ASCC3: variants seen among roughly 807,000 people sequenced by gnomAD.
The protein encoded by ASCC3 is activating signal cointegrator 1 complex subunit 3.
In ASCC3, 158 loss-of-function variants were observed where a neutral mutation model predicts 256.3. That is an observed-to-expected ratio of 0.62 (90% CI 0.54 to 0.70). ASCC3 has a LOEUF of 0.70. Among genes scored for constraint, ASCC3 ranks in the 30% least tolerant of loss-of-function variants. The probability of loss-of-function intolerance (pLI) is 0.00; values close to 1 mark genes in which losing one functional copy is unlikely to be tolerated. For synonymous variants in ASCC3, 948 were observed against 883.4 expected, an observed-to-expected ratio of 1.07 and a Z score of -1.30; for missense variants, 2,259 against 2,626.0, an observed-to-expected ratio of 0.86 and a Z score of 3.05.
intron 4 of ASCC3, among the ~76,000 whole-genome samples, chr6:100,840,482 G>A (rs983523000): frequency 5.3e-5 from 7 of 131,156 alleles, no homozygotes; most frequent in Admixed American, 7.9e-5. Context: ...CACATGCCAC[G>A]CCAGGCTTTT....
intron 4 of ASCC3, among the ~76,000 whole-genome samples, chr6:100,834,015 G>A (rs181337689): frequency 2.0e-5 from 3 of 152,280 alleles, no homozygotes; most frequent in East Asian, 1.9e-4. Context: ...GCAGTGAGCC[G>A]AGACAGCACC....
chr6:100,871,266 T>C (rs1302332259), intron 1 of ASCC3, among the ~76,000 whole-genome samples: 1 of 152,030 alleles, frequency 6.6e-6, no homozygotes, highest in Non-Finnish European at 1.5e-5. Context: ...CGGCTAATTT[T>C]GGTATTTTTA....
At chr6:100,799,660 G>A in intron 6 of ASCC3, 88 bp from the exon 7 acceptor site, 1 of 1,354,952 alleles carries the variant, frequency 7.4e-7, no homozygotes, top group Non-Finnish European at 1.0e-6. Context: ...AAAGATATTG[G>A]GAGCTAGCCT....
At position 100,661,696 on chromosome 6, in the gene ASCC3, T is replaced by C. The variant is rs920585984; in HGVS notation, c.2703+110A>G. On this transcript the variant is annotated intron_variant, in intron 16 of 41. Coordinates refer to ENST00000369162, the MANE Select transcript of ASCC3 (RefSeq NM_006828.4). ...GTTTTGTCTTATAACTTATATGGCA[T>C]AGGCTGTAATCCTAAACACTACAAA... is the stretch of plus-strand genomic sequence containing the variant. 9 of 1,052,604 alleles carry C rather than the reference T, an allele frequency of 8.6e-6. No individual in the cohort carries two copies. The African/African-American group carries it at 9.4e-5, about 11-fold the overall frequency. The allele number at this position is 1,052,604 out of a possible 1,614,324, so 65.2% of individuals were successfully genotyped here.
At position 100,608,289 on chromosome 6, in the gene ASCC3, TTATATATACCTTATATATGTATACCTTA is replaced by T. The variant is rs1482432412; in HGVS notation, c.4786-1229_4786-1202del. 2.4e-3 allele frequency among the ~76,000 whole-genome samples: 54 copies of T among 22,398 alleles called. 5 individuals are homozygous for T. The highest frequency in any genetic ancestry group is 9.2e-3 in the African/African-American group (45 of 4,880). 14.7% of individuals were successfully genotyped at this position (22,398 alleles called of 152,430 possible). On this transcript the variant is annotated intron_variant, in intron 30 of 41. Transcript: ENST00000369162. ...TTTATATATATACTTTATATATACT[TTATATATACCTTATATATGTATACCTTA>T]TATATATACCTTATATATGTATACC...
intron 36 of ASCC3, among the ~76,000 whole-genome samples, chr6:100,582,427 C>T (rs1771344588): frequency 6.6e-6 from 1 of 151,538 alleles, no homozygotes; most frequent in Non-Finnish European, 1.5e-5. Context: ...GATTTTTGTA[C>T]ATTGATTTTG....
chr6:100,605,150 T>A (rs570332447), intron 33 of ASCC3, among the ~76,000 whole-genome samples: 1 of 152,296 alleles, frequency 6.6e-6, no homozygotes, highest in Non-Finnish European at 1.5e-5. Flanking sequence ...TTATTAAATG[T>A]TTATTATGTG....
chr6:100,566,234 C>T (rs895720280), intron 36 of ASCC3, among the ~76,000 whole-genome samples: 5 of 152,072 alleles, frequency 3.3e-5, no homozygotes, highest in Non-Finnish European at 5.9e-5. Context: ...ACTGGATACA[C>T]ACAGTAAACC....
chr6:100,545,093 A>T (rs1343349578), intron 36 of ASCC3, among the ~76,000 whole-genome samples: 1 of 152,190 alleles, frequency 6.6e-6, no homozygotes, highest in Non-Finnish European at 1.5e-5. Flanking sequence ...AAATCTGACA[A>T]AGTTCAACAT....
intron 8 of ASCC3, among the ~76,000 whole-genome samples, chr6:100,783,124 T>C (rs983584898): frequency 6.6e-5 from 10 of 152,158 alleles, no homozygotes; most frequent in African/African-American, 2.2e-4. Context: ...ATATTTCATA[T>C]TAAGTTCTTC....
At chr6:100,638,559 T>A (rs755364413) in intron 25 of ASCC3, 42 bp downstream of exon 25, 8 of 1,480,886 alleles carry the variant, frequency 5.4e-6, no homozygotes, top group Non-Finnish European at 7.5e-6. Flanking sequence ...GATTATGAAC[T>A]GTCTTTTCTA....
intron 14 of ASCC3, among the ~76,000 whole-genome samples, chr6:100,668,112 G>C (rs1776572706): frequency 6.6e-6 from 1 of 151,998 alleles, no homozygotes; most frequent in Non-Finnish European, 1.5e-5. Flanking sequence ...GATTGTCTAA[G>C]GCTGCTTGAG....
chr6:100,688,755 G>A (rs1318383954), intron 13 of ASCC3, among the ~76,000 whole-genome samples: 1 of 152,138 alleles, frequency 6.6e-6, no homozygotes, highest in Non-Finnish European at 1.5e-5. Flanking sequence ...GCCTAGCACT[G>A]GTCCCTGTGC....
At chr6:100,523,280 C>T (rs2114625725) in intron 37 of ASCC3, among the ~76,000 whole-genome samples, 1 of 151,972 alleles carries the variant, frequency 6.6e-6, no homozygotes, top group East Asian at 1.9e-4. Flanking sequence ...TGGCTTCTAT[C>T]TTCTGTAAGC....
chr6:100,638,757 G>C lies in ASCC3; in HGVS notation c.3966C>G (p.Tyr1322Ter). ...GTACAGGGTTAAAGTGGCTGAAGTT[G>C]TACAGGGCTTCATATGCTTTACATC... is the stretch of plus-strand genomic sequence containing the variant. Reference protein sequence around the residue: ...ALGCKAYEALYNFSHFNPVQT... With the variant: ...ALGCKAYEAL The change falls in exon 25 of 42, where the codon TAC (tyrosine) becomes TAG (stop). Residue 1322 changes from tyrosine to a stop codon, truncating the protein, a stop_gained. Transcript: ENST00000369162. LOFTEE classifies it high-confidence loss of function. The C allele has an allele frequency of 6.2e-7, 1 of 1,614,096 alleles. No individual in the cohort carries two copies. Among genetic ancestry groups the C allele is most frequent in the Non-Finnish European group, 8.5e-7 (1 of 1,180,004 alleles).
At chr6:100,802,894 T>C (rs956030529) in intron 5 of ASCC3, among the ~76,000 whole-genome samples, 5 of 151,770 alleles carry the variant, frequency 3.3e-5, no homozygotes, top group Admixed American at 6.6e-5. Context: ...TGTGGACCCA[T>C]CTACTCGGGA....
At position 100,848,451 on chromosome 6, in the gene ASCC3, A is replaced by G. The variant is rs1772494493; in HGVS notation, c.498T>C (p.Asn166=). 2.5e-6 allele frequency: 4 copies of G among 1,611,114 alleles called. No homozygotes were observed. In the South Asian group the frequency reaches 4.4e-5, roughly 18 times the overall value. The change falls in exon 4 of 42, where the codon AAT becomes AAC. Residue 166 remains asparagine (N), a synonymous_variant. Coordinates refer to ENST00000369162, the MANE Select transcript of ASCC3 (RefSeq NM_006828.4). ...CATGCATGTCAAATGAAAATGCTAA[A>G]TTTTTACCAAAAAAAACCCTATCGC... ...EHGDRVFFGK[N]LAFSFDMHDL...
intron 36 of ASCC3, among the ~76,000 whole-genome samples, chr6:100,545,446 G>T (rs1223669188): frequency 6.6e-6 from 1 of 152,198 alleles, no homozygotes; most frequent in East Asian, 1.9e-4. Context: ...AAAGTGCTGG[G>T]ATTACAGGCG....
At chr6:100,721,723 C>T (rs1285108448) in intron 11 of ASCC3, among the ~76,000 whole-genome samples, 4 of 151,504 alleles carry the variant, frequency 2.6e-5, no homozygotes, top group Non-Finnish European at 5.9e-5. Context: ...TAAACAAGTC[C>T]CAAATATTTC....
Sources: allele counts gnomAD v4.1 joint callset (sites outside exome capture counted in the v4.1 genomes callset), GRCh38; gene constraint gnomAD v4.1.1; transcripts MANE v1.5; gene names NCBI Gene and HGNC (gene_info 2026-07-23, HGNC 2026-07-21).